Variants in KCNB2 observed in about 807,000 individuals in gnomAD.
The protein encoded by KCNB2 is delayed rectifier potassium channel protein.
Under a neutral mutation model 61.5 loss-of-function variants are expected in KCNB2, and 15 were observed. The observed-to-expected ratio is 0.24, with a 90% CI of 0.16 to 0.38. The LOEUF is 0.38. Among genes scored for constraint, KCNB2 ranks in the 10% least tolerant of loss-of-function variants. The pLI is 1.00. For synonymous variants in KCNB2, 457 were observed against 446.0 expected, an observed-to-expected ratio of 1.02 and a Z score of -0.31; for missense variants, 828 against 1,125.2, an observed-to-expected ratio of 0.74 and a Z score of 3.78.
chr8:72,715,473 A>G (rs1200032753), intron 2 of KCNB2, among the ~76,000 whole-genome samples: 3 of 152,242 alleles, frequency 2.0e-5, no homozygotes, highest in Non-Finnish European at 4.4e-5. Context: ...CTCAGACCAC[A>G]GTGCAATCAA....
intron 2 of KCNB2, among the ~76,000 whole-genome samples, chr8:72,790,460 G>T (rs1476042050): frequency 2.0e-5 from 3 of 152,208 alleles, no homozygotes. Context: ...AATTTGACAA[G>T]TAGGAGGTCA....
At chr8:72,837,505 C>T (rs189490245) in intron 2 of KCNB2, among the ~76,000 whole-genome samples, 170 of 152,340 alleles carry the variant, frequency 1.1e-3, no homozygotes, top group Non-Finnish European at 2.0e-3. Context: ...ATGACATTTT[C>T]ATCGATCAGA....
chr8:72,779,265 C>T (rs1180400132), intron 2 of KCNB2, among the ~76,000 whole-genome samples: 2 of 152,144 alleles, frequency 1.3e-5, no homozygotes, highest in East Asian at 3.8e-4. Flanking sequence ...ATGGTGCAGT[C>T]GTTTTTGCCT....
chr8:72,841,100 C>T (rs1809876198), intron 2 of KCNB2, among the ~76,000 whole-genome samples: 1 of 152,080 alleles, frequency 6.6e-6, no homozygotes, highest in Non-Finnish European at 1.5e-5. Flanking sequence ...AGGAAAGGGT[C>T]TAGCTTCTGT....
In KCNB2 at chr8:72,837,580, A is replaced by G. The variant is rs182121821; in HGVS notation, c.580-98355A>G. On this transcript the variant is annotated intron_variant, in intron 2 of 2. Coordinates refer to ENST00000523207, the MANE Select transcript of KCNB2 (RefSeq NM_004770.3). The stretch of plus-strand genomic sequence containing the variant: ...AAAGCTATTAATTACATACAGTGAA[A>G]TCTGTTTACTTCAAAATCCCACCAA... Among the ~76,000 whole-genome samples, 277 of 152,336 alleles carry G rather than the reference A, an allele frequency of 1.8e-3. 1 individual carries two copies. The highest frequency in any genetic ancestry group is 5.2e-3 in the Admixed American group (80 of 15,298).
chr8:72,649,779 T>C (rs1806186009), intron 2 of KCNB2, among the ~76,000 whole-genome samples: 1 of 152,136 alleles, frequency 6.6e-6, no homozygotes. Context: ...GATCTTTTTC[T>C]CTTTGTGGGG....
At chr8:72,571,383 A>G (rs1806706686) in intron 2 of KCNB2, among the ~76,000 whole-genome samples, 1 of 152,244 alleles carries the variant, frequency 6.6e-6, no homozygotes, top group Non-Finnish European at 1.5e-5. Context: ...TGGTGTATTA[A>G]TAACTGAAAA....
At chr8:72,620,581 A>G (rs1161145853) in intron 2 of KCNB2, among the ~76,000 whole-genome samples, 1 of 152,148 alleles carries the variant, frequency 6.6e-6, no homozygotes, top group Non-Finnish European at 1.5e-5. Flanking sequence ...CAAAGTTGGA[A>G]GGCCTTCCAG....
At chr8:72,847,249 C>T (rs4452828) in intron 2 of KCNB2, among the ~76,000 whole-genome samples, 129,754 of 152,128 alleles carry the variant, frequency 0.85, 56,300 homozygotes, top group Middle Eastern at 0.97. Context: ...TAAAAGGACA[C>T]TTTCTCAGGA....
At chr8:72,840,136 C>G (rs1458008319) in intron 2 of KCNB2, among the ~76,000 whole-genome samples, 1 of 152,122 alleles carries the variant, frequency 6.6e-6, no homozygotes, top group Non-Finnish European at 1.5e-5. Flanking sequence ...GTTCAACTCC[C>G]ACTTATGAGT....
chr8:72,818,487 A>G (rs1198643531), intron 2 of KCNB2, among the ~76,000 whole-genome samples: 1 of 152,192 alleles, frequency 6.6e-6, no homozygotes, highest in Non-Finnish European at 1.5e-5. Flanking sequence ...TGGAAAATGC[A>G]CAGTCGTACC....
intron 2 of KCNB2, among the ~76,000 whole-genome samples, chr8:72,716,852 A>C (rs926131622): frequency 5.9e-5 from 9 of 152,206 alleles, no homozygotes; most frequent in African/African-American, 2.2e-4. Flanking sequence ...GCATTCAATT[A>C]GAAAAAGAGG....
intron 2 of KCNB2, among the ~76,000 whole-genome samples, chr8:72,715,426 G>C (rs1166931291): frequency 2.6e-5 from 4 of 152,106 alleles, no homozygotes; most frequent in East Asian, 3.9e-4. Context: ...GCACTCCTCA[G>C]CAAATGTAAA....
At chr8:72,926,149 G>A (rs1806643182) in intron 2 of KCNB2, among the ~76,000 whole-genome samples, 1 of 152,182 alleles carries the variant, frequency 6.6e-6, no homozygotes, top group South Asian at 2.1e-4. Flanking sequence ...GGGATGCTGG[G>A]CTCAATACCT....
In KCNB2 at chr8:72,692,282, C is replaced by G. The variant is rs187803012; in HGVS notation, c.579+123969C>G. 7.4e-5 allele frequency among the ~76,000 whole-genome samples: 11 copies of G among 148,300 alleles called. No individual in the cohort carries two copies. In the East Asian group the frequency reaches 2.2e-3, roughly 29 times the overall value. ...AATTGGAAGCTTATATTTTGTACATCTTTGTCTGTTAATTGATTTTTCTAT... is the reference window on the plus strand; with the variant it reads ...AATTGGAAGCTTATATTTTGTACATGTTTGTCTGTTAATTGATTTTTCTAT... On this transcript the variant is annotated intron_variant, in intron 2 of 2. Coordinates refer to ENST00000523207, the MANE Select transcript of KCNB2 (RefSeq NM_004770.3).
chr8:72,725,052 A>T (rs1007903913), intron 2 of KCNB2, among the ~76,000 whole-genome samples: 1 of 152,146 alleles, frequency 6.6e-6, no homozygotes, highest in Non-Finnish European at 1.5e-5. Flanking sequence ...TCTCTAGAAA[A>T]TCAATCACTC....
intron 2 of KCNB2, among the ~76,000 whole-genome samples, chr8:72,658,216 A>G (rs552086473): frequency 3.9e-5 from 6 of 152,324 alleles, no homozygotes; most frequent in African/African-American, 1.2e-4. Context: ...AAGTTCTAGA[A>G]GGAAATTAAA....
chr8:72,844,454 C>T (rs1809950502), intron 2 of KCNB2, among the ~76,000 whole-genome samples: 1 of 152,074 alleles, frequency 6.6e-6, no homozygotes, highest in Non-Finnish European at 1.5e-5. Flanking sequence ...TTGTAGTGTT[C>T]TCTATATTTC....
chr8:72,920,226 T>C (rs1218455260), intron 2 of KCNB2, among the ~76,000 whole-genome samples: 2 of 151,608 alleles, frequency 1.3e-5, no homozygotes, highest in African/African-American at 4.8e-5. Flanking sequence ...ACAAATCATA[T>C]AATGAAAAAA....
Sources: allele counts gnomAD v4.1 joint callset (sites outside exome capture counted in the v4.1 genomes callset), GRCh38; gene constraint gnomAD v4.1.1; transcripts MANE v1.5; gene names NCBI Gene and HGNC (gene_info 2026-07-23, HGNC 2026-07-21).